Variants in CREBRF observed in about 807,000 individuals in gnomAD.
CREBRF encodes the protein UPF0474 protein C5orf41.
In CREBRF, 5 loss-of-function variants were observed where a neutral mutation model predicts 66.1. That is an observed-to-expected ratio of 0.08 (90% CI 0.04 to 0.16). The LOEUF is 0.16. Among genes scored for constraint, CREBRF ranks in the 10% least tolerant of loss-of-function variants. The probability of loss-of-function intolerance (pLI) is 1.00; values close to 1 mark genes in which losing one functional copy is unlikely to be tolerated. For missense variants in CREBRF, 531 were observed against 744.9 expected, an observed-to-expected ratio of 0.71 and a Z score of 3.34; for synonymous variants, 229 against 264.4, an observed-to-expected ratio of 0.87 and a Z score of 1.30.
At chr5:173,133,495 A>G (rs927928487) in intron 8 of CREBRF, 135 bp from the exon 9 acceptor site, 13 of 502,568 alleles carry the variant, frequency 2.6e-5, no homozygotes, top group African/African-American at 2.4e-4. Flanking sequence ...CTGCAATAAC[A>G]AGTGCCAGGG....
intron 7 of CREBRF, among the ~76,000 whole-genome samples, chr5:173,119,472 G>A (rs934521718): frequency 6.6e-6 from 1 of 152,044 alleles, no homozygotes; most frequent in Non-Finnish European, 1.5e-5. Flanking sequence ...TTATATTTGA[G>A]TTCTTTGGTA....
At chr5:173,097,866 A>G (rs1444694998) in intron 4 of CREBRF, among the ~76,000 whole-genome samples, 1 of 151,748 alleles carries the variant, frequency 6.6e-6, no homozygotes, top group Admixed American at 6.6e-5. Flanking sequence ...TTTAGTGTCT[A>G]ATTCATTTAT....
intron 1 of CREBRF, among the ~76,000 whole-genome samples, chr5:173,060,639 C>T (rs972405902): frequency 6.6e-6 from 1 of 151,736 alleles, no homozygotes; most frequent in Non-Finnish European, 1.5e-5. Context: ...TTCAGTAGCT[C>T]ATTTCGGGAT....
At chr5:173,104,740 A>AGAGAGAGAGAGAGT (rs375098647) in intron 4 of CREBRF, among the ~76,000 whole-genome samples, 38 of 146,240 alleles carry the variant, frequency 2.6e-4, no homozygotes, top group African/African-American at 8.6e-4. Flanking sequence ...AGAGAGAGAG[A>AGAGAGAGAGAGAGT]GTGTGTGTGT....
intron 2 of CREBRF, among the ~76,000 whole-genome samples, chr5:173,082,945 A>AAAAAAAAAC (rs1561799554): frequency 2.4e-5 from 3 of 122,748 alleles, no homozygotes; most frequent in East Asian, 2.3e-4. Context: ...AAAAAAAAAA[A>AAAAAAAAAC]ACCGGGTGCA....
intron 8 of CREBRF, chr5:173,123,925 G>C (rs1452885077): frequency 1.3e-5 from 2 of 152,074 alleles, no homozygotes; most frequent in Non-Finnish European, 2.9e-5. Flanking sequence ...CTTCCATATG[G>C]ATTAATTCTG....
intron 2 of CREBRF, among the ~76,000 whole-genome samples, chr5:173,083,599 A>G (rs1272788496): frequency 6.6e-6 from 1 of 152,174 alleles, no homozygotes; most frequent in Non-Finnish European, 1.5e-5. Flanking sequence ...GTGATGCCCA[A>G]ATTGTCTTCC....
At chr5:173,082,908 C>CAAAAAAAAAAAAAAAAAAA (rs70984937) in intron 2 of CREBRF, among the ~76,000 whole-genome samples, 2 of 29,018 alleles carry the variant, frequency 6.9e-5, no homozygotes, top group Non-Finnish European at 1.2e-4. Context: ...GACTCTGTCT[C>CAAAAAAAAAAAAAAAAAAA]AAAAAAAAAA....
At chr5:173,058,321 T>C (rs1447335439) in intron 1 of CREBRF, among the ~76,000 whole-genome samples, 2 of 152,182 alleles carry the variant, frequency 1.3e-5, no homozygotes, top group African/African-American at 2.4e-5. Flanking sequence ...TTGTCAAGGG[T>C]ACCAAGCTCT....
intron 1 of CREBRF, among the ~76,000 whole-genome samples, chr5:173,065,101 A>G (rs1429163663): frequency 6.6e-6 from 1 of 152,144 alleles, no homozygotes; most frequent in Non-Finnish European, 1.5e-5. Flanking sequence ...GGAGACACAC[A>G]TTGCAGCCCA....
At chr5:173,058,100 A>G (rs1581648719) in intron 1 of CREBRF, among the ~76,000 whole-genome samples, 2 of 151,790 alleles carry the variant, frequency 1.3e-5, no homozygotes, top group East Asian at 3.9e-4. Flanking sequence ...GTCGTAAACT[A>G]GTTGTCACTT....
chr5:173,090,828 A>G lies in CREBRF; in HGVS notation c.649A>G (p.Thr217Ala). The G allele has an allele frequency of 6.2e-7, 1 of 1,614,170 alleles. No individual in the cohort carries two copies. The highest frequency in any genetic ancestry group is 8.5e-7 in the Non-Finnish European group (1 of 1,180,044). Residue 217 changes from threonine to alanine, a missense_variant, in exon 4 of 9, where the codon ACC becomes GCC. Coordinates refer to ENST00000296953, the MANE Select transcript of CREBRF (RefSeq NM_153607.3). The surrounding 1 kb of genome is among the most constrained non-coding windows in gnomAD (Gnocchi z 4.5). The stretch of plus-strand genomic sequence containing the variant: ...TTCAAGCACACAAATCATGGTGAAG[A>G]CCAACATGTATCATAATGAAAAGGT... ...PTSSTQIMVK[T>A]NMYHNEKVNF...
chr5:173,090,959 A>C lies in CREBRF; in HGVS notation c.780A>C (p.Ala260=), dbSNP rs370849916. ...PLLSQIHTDA[A]KENTCYCGAV... ...TGAGCCAGATTCACACAGATGCAGC[A>C]AAGGAGAACACCTGCTACTGTGGTG... Residue 260 remains alanine (A), a synonymous_variant, in exon 4 of 9, where the codon GCA becomes GCC. Coordinates refer to ENST00000296953, the MANE Select transcript of CREBRF (RefSeq NM_153607.3). This position sits in a 1 kb window ranked among gnomAD's most constrained non-coding sequence, Gnocchi z 4.5. 10 of 1,614,096 alleles carry C rather than the reference A, an allele frequency of 6.2e-6. No individual in the cohort carries two copies. The African/African-American group carries it at 1.3e-4, about 22-fold the overall frequency.
At chr5:173,056,555 C>T (rs1301694998) in intron 1 of CREBRF, 76 bp downstream of exon 1, 2 of 396,512 alleles carry the variant, frequency 5.0e-6, no homozygotes, top group African/African-American at 4.1e-5. Flanking sequence ...GGCGGAGGGC[C>T]GCTTGCCTAG....
chr5:173,115,645 G>T (rs1450726573), intron 7 of CREBRF, among the ~76,000 whole-genome samples: 2 of 148,510 alleles, frequency 1.3e-5, no homozygotes, highest in Non-Finnish European at 1.5e-5. Context: ...GTTTTGCTTT[G>T]TTTTTTTTTT....
Position 173,138,364 on chromosome 5 carries a change from A to G in CREBRF, c.*4619A>G, listed in dbSNP as rs1254574026. On this transcript the variant is annotated 3_prime_UTR_variant, in exon 9 of 9. Coordinates refer to ENST00000296953, the MANE Select transcript of CREBRF (RefSeq NM_153607.3). ...TGAAAGTTATACACTTCCATAGGCA[A>G]ATGGGATTATGTGTTGAAGCATAGT... The G allele has an allele frequency of 1.3e-5, 2 of 152,192 alleles. No individual in the cohort carries two copies. The highest frequency in any genetic ancestry group is 2.4e-5 in the African/African-American group (1 of 41,454). The allele number at this position is 152,192 out of a possible 1,614,324, so 9.4% of individuals were successfully genotyped here.
At chr5:173,079,326 G>T (rs1757862247) in intron 1 of CREBRF, among the ~76,000 whole-genome samples, 1 of 151,950 alleles carries the variant, frequency 6.6e-6, no homozygotes, top group Non-Finnish European at 1.5e-5. Flanking sequence ...CCCTGGGTGT[G>T]GTGTTGCTTG....
At chr5:173,118,570 C>G (rs1759062979) in intron 7 of CREBRF, among the ~76,000 whole-genome samples, 1 of 151,824 alleles carries the variant, frequency 6.6e-6, no homozygotes, top group Non-Finnish European at 1.5e-5. Flanking sequence ...ATATAAATAT[C>G]TGGTTGATCA....
intron 8 of CREBRF, among the ~76,000 whole-genome samples, chr5:173,132,573 TCCCCC>T (rs1314958563): frequency 0.1 from 65 of 622 alleles, 28 homozygotes; most frequent in Non-Finnish European, 0.14. Flanking sequence ...CCCCTCCCCC[TCCCCC>T]TCCCCCTCCC....
Sources: gnomAD v4.1 joint callset for allele counts (sites outside exome capture counted in the v4.1 genomes callset) on GRCh38, gnomAD v4.1.1 for gene constraint, Gnocchi (gnomAD v3.1) non-coding constraint, MANE v1.5 for transcripts, NCBI Gene and HGNC (gene_info 2026-07-23, HGNC 2026-07-21) for gene names.